ANXA8: variants seen among roughly 807,000 people sequenced by gnomAD.
ANXA8 encodes the protein annexin A8.
A neutral mutation model predicts 26.8 loss-of-function variants in ANXA8; 9 were observed. The observed-to-expected ratio is 0.34, with a 90% CI of 0.20 to 0.59. The LOEUF (loss-of-function observed/expected upper bound fraction) is 0.59, where lower values mean the gene tolerates loss of function less well. Among genes scored for constraint, ANXA8 ranks in the 20% least tolerant of loss-of-function variants. ANXA8 has a pLI of 0.84. For missense variants in ANXA8, 83 were observed against 238.5 expected, an observed-to-expected ratio of 0.35 and a Z score of 4.29; for synonymous variants, 39 against 94.8, an observed-to-expected ratio of 0.41 and a Z score of 3.42.
chr10:47,664,482 C>T, the ANXA8 span, among the ~76,000 whole-genome samples: 16 of 151,402 alleles, frequency 1.1e-4, no homozygotes, highest in African/African-American at 2.7e-4. Flanking sequence ...GCAGGAGAAT[C>T]GCTTGAACTC....
chr10:47,968,098 G>T, the ANXA8 span, among the ~76,000 whole-genome samples: 1 of 151,056 alleles, frequency 6.6e-6, no homozygotes, highest in African/African-American at 2.4e-5. Flanking sequence ...CCATACACAT[G>T]AGTATTTGTC....
the ANXA8 span, among the ~76,000 whole-genome samples, chr10:47,548,559 C>T: frequency 6.6e-6 from 1 of 151,830 alleles, no homozygotes; most frequent in Non-Finnish European, 1.5e-5. Context: ...CTTCGGTCTC[C>T]CAAAGTGCTG....
chr10:47,665,697 G>A, the ANXA8 span, among the ~76,000 whole-genome samples: 2 of 150,368 alleles, frequency 1.3e-5, no homozygotes, highest in South Asian at 4.1e-4. Context: ...GTGGTTGAAA[G>A]TCATCTGACA....
chr10:47,627,077 G>C, the ANXA8 span, among the ~76,000 whole-genome samples: 1 of 149,216 alleles, frequency 6.7e-6, no homozygotes, highest in Non-Finnish European at 1.5e-5. Flanking sequence ...ATTTAAAAAA[G>C]GAAATTCTAG....
chr10:47,660,754 T>C, the ANXA8 span, among the ~76,000 whole-genome samples: 549 of 150,578 alleles, frequency 3.6e-3, 1 homozygote, highest in Non-Finnish European at 5.8e-3. Context: ...GGGCTTGTTA[T>C]TGCATTTGGC....
chr10:47,721,274 T>C, the ANXA8 span, among the ~76,000 whole-genome samples: 14 of 142,400 alleles, frequency 9.8e-5, no homozygotes, highest in South Asian at 2.8e-3. Flanking sequence ...AATATAAGCA[T>C]TTATTGGACA....
the ANXA8 span, among the ~76,000 whole-genome samples, chr10:47,636,312 A>G: frequency 7.2e-6 from 1 of 139,616 alleles, no homozygotes; most frequent in Non-Finnish European, 1.5e-5. Context: ...TGATTGTTGC[A>G]TGAGGGTCTC....
At chr10:47,584,961 G>A in the ANXA8 span, among the ~76,000 whole-genome samples, 28 of 147,202 alleles carry the variant, frequency 1.9e-4, 2 homozygotes, top group African/African-American at 5.1e-4. Context: ...GGTGGCAGGC[G>A]CCTGTAATCC....
At chr10:47,772,234 A>G in the ANXA8 span, among the ~76,000 whole-genome samples, 2 of 151,898 alleles carry the variant, frequency 1.3e-5, no homozygotes, top group South Asian at 4.2e-4. Context: ...TGGCAGCTCA[A>G]CATCATCATC....
At chr10:47,937,735 G>A in the ANXA8 span, among the ~76,000 whole-genome samples, 6,068 of 145,602 alleles carry the variant, frequency 0.042, 473 homozygotes, top group East Asian at 0.21. Flanking sequence ...TTCTGTTCCT[G>A]TGCTAATTTG....
the ANXA8 span, among the ~76,000 whole-genome samples, chr10:47,660,269 T>C: frequency 6.7e-6 from 1 of 148,826 alleles, no homozygotes; most frequent in Non-Finnish European, 1.5e-5. Flanking sequence ...GAGAGCCTGC[T>C]CTACTCAAAG....
chr10:47,942,319 G>A, the ANXA8 span, among the ~76,000 whole-genome samples: 1 of 145,660 alleles, frequency 6.9e-6, no homozygotes, highest in African/African-American at 2.7e-5. Context: ...TGAAGGGGAA[G>A]CAGGAGATGC....
the ANXA8 span, among the ~76,000 whole-genome samples, chr10:47,776,506 C>G: frequency 6.6e-6 from 1 of 151,744 alleles, no homozygotes. Flanking sequence ...TTGTCCTTCT[C>G]TGGGCGGCTC....
chr10:47,639,093 A>G, the ANXA8 span, among the ~76,000 whole-genome samples: 1 of 149,808 alleles, frequency 6.7e-6, no homozygotes, highest in African/African-American at 2.5e-5. Flanking sequence ...TATTAATTTT[A>G]CCCCAGCTGC....
chr10:47,977,668 C>T, the ANXA8 span, among the ~76,000 whole-genome samples: 2 of 151,114 alleles, frequency 1.3e-5, no homozygotes, highest in African/African-American at 4.8e-5. Flanking sequence ...GTTGAAAGTG[C>T]AACTGAAATA....
the ANXA8 span, among the ~76,000 whole-genome samples, chr10:47,743,313 C>T: frequency 0.1 from 2,676 of 26,630 alleles, 297 homozygotes; most frequent in South Asian, 0.17. Flanking sequence ...TATATATATA[C>T]ACATATATAT....
chr10:47,555,138 C>T, the ANXA8 span, among the ~76,000 whole-genome samples: 30 of 150,772 alleles, frequency 2.0e-4, no homozygotes, highest in Non-Finnish European at 3.8e-4. Context: ...CTCCTGCAGG[C>T]GGTTGACTTC....
At chr10:47,966,661 G>A in the ANXA8 span, among the ~76,000 whole-genome samples, 3 of 144,116 alleles carry the variant, frequency 2.1e-5, no homozygotes, top group African/African-American at 5.0e-5. Flanking sequence ...TACACTGGAC[G>A]CAGATGAGCC....
chr10:47,497,416 G>A, the ANXA8 span, among the ~76,000 whole-genome samples: 3 of 143,552 alleles, frequency 2.1e-5, no homozygotes, highest in Non-Finnish European at 4.5e-5. Context: ...AGGAGTTGGA[G>A]ACCAGCCTGA....
Sources: allele counts gnomAD v4.1 joint callset (sites outside exome capture counted in the v4.1 genomes callset), GRCh38; gene constraint gnomAD v4.1.1; transcripts MANE v1.5; gene names NCBI Gene and HGNC (gene_info 2026-07-23, HGNC 2026-07-21).